Variants in ANXA8 observed in about 807,000 individuals in gnomAD.
ANXA8 encodes the protein VAC-beta.
ANXA8 carries 9 observed loss-of-function variants against 26.8 expected under a neutral mutation model. The observed-to-expected ratio is 0.34, with a 90% CI of 0.20 to 0.59. ANXA8 has a LOEUF of 0.59. Among genes scored for constraint, ANXA8 ranks in the 20% least tolerant of loss-of-function variants. The pLI is 0.84. For missense variants in ANXA8, 83 were observed against 238.5 expected, an observed-to-expected ratio of 0.35 and a Z score of 4.29; for synonymous variants, 39 against 94.8, an observed-to-expected ratio of 0.41 and a Z score of 3.42.
At chr10:47,982,833 T>TATATATATA in the ANXA8 span, among the ~76,000 whole-genome samples, 1 of 71,156 alleles carries the variant, frequency 1.4e-5, no homozygotes, top group Admixed American at 1.6e-4. Flanking sequence ...TATATATATA[T>TATATATATA]AAAATTTGAT....
chr10:47,959,838 C>T, the ANXA8 span, among the ~76,000 whole-genome samples: 674 of 150,756 alleles, frequency 4.5e-3, no homozygotes, highest in Middle Eastern at 0.017. Flanking sequence ...TGGTGCTGTG[C>T]CCGCTTCTAA....
chr10:47,495,880 G>T, the ANXA8 span, among the ~76,000 whole-genome samples: 1 of 151,610 alleles, frequency 6.6e-6, no homozygotes, highest in Non-Finnish European at 1.5e-5. Context: ...CACATTCCCA[G>T]CAGGAGAGGA....
the ANXA8 span, among the ~76,000 whole-genome samples, chr10:47,744,149 G>A: frequency 2.0e-5 from 3 of 148,294 alleles, no homozygotes; most frequent in African/African-American, 7.4e-5. Context: ...AGCCTCCCCG[G>A]TGCTGCACCG....
At chr10:47,591,464 G>T in the ANXA8 span, among the ~76,000 whole-genome samples, 7 of 74,544 alleles carry the variant, frequency 9.4e-5, no homozygotes, top group Admixed American at 4.2e-4. Context: ...TTTTTTTTGA[G>T]ATGGAGTCTT....
At chr10:47,565,001 G>T in the ANXA8 span, 2 of 972,346 alleles carry the variant, frequency 2.1e-6, no homozygotes, top group Non-Finnish European at 3.3e-6. Context: ...CCACCGTCTG[G>T]CCGGCATCTC....
chr10:47,660,129 G>A, the ANXA8 span, among the ~76,000 whole-genome samples: 1 of 146,704 alleles, frequency 6.8e-6, no homozygotes, highest in Non-Finnish European at 1.5e-5. Context: ...AGTATTATGA[G>A]GCTAAAGTGA....
chr10:47,775,067 C>A, the ANXA8 span, among the ~76,000 whole-genome samples: 2 of 150,822 alleles, frequency 1.3e-5, no homozygotes, highest in African/African-American at 2.4e-5. Flanking sequence ...AATTTGTGGG[C>A]AACTTTTGGG....
the ANXA8 span, among the ~76,000 whole-genome samples, chr10:47,551,293 G>A: frequency 2.6e-5 from 4 of 150,998 alleles, no homozygotes; most frequent in Admixed American, 6.6e-5. Flanking sequence ...ATAAAATGAG[G>A]GCAAGAATGA....
At chr10:47,475,207 G>A (rs1435816808) in intron 6 of ANXA8, among the ~76,000 whole-genome samples, 269 of 147,634 alleles carry the variant, frequency 1.8e-3, no homozygotes, top group African/African-American at 6.2e-3. Flanking sequence ...AAGGCTTGGC[G>A]GATTCAGTGA....
the ANXA8 span, among the ~76,000 whole-genome samples, chr10:47,946,376 T>C: frequency 2.0e-5 from 3 of 150,668 alleles, no homozygotes; most frequent in Admixed American, 1.3e-4. Context: ...TAGTAAACAC[T>C]AGAGGTTTAA....
the ANXA8 span, among the ~76,000 whole-genome samples, chr10:47,510,980 G>C: frequency 1.5e-5 from 2 of 129,570 alleles, no homozygotes; most frequent in Non-Finnish European, 3.2e-5. Flanking sequence ...GTCTCGCTCT[G>C]TAGCCCAGGC....
chr10:47,493,581 T>C, the ANXA8 span, among the ~76,000 whole-genome samples: 1 of 149,678 alleles, frequency 6.7e-6, no homozygotes, highest in Non-Finnish European at 1.5e-5. Flanking sequence ...CCTCATGAGC[T>C]CCCACCCTAG....
chr10:47,486,827 G>A (rs1840058008), upstream of ANXA8, among the ~76,000 whole-genome samples: 1 of 137,134 alleles, frequency 7.3e-6, no homozygotes, highest in Admixed American at 7.4e-5. Flanking sequence ...ATAAAAATTA[G>A]CCAGAGATGG....
At chr10:47,947,836 T>A in the ANXA8 span, among the ~76,000 whole-genome samples, 1 of 150,612 alleles carries the variant, frequency 6.6e-6, no homozygotes, top group African/African-American at 2.5e-5. Flanking sequence ...GGGTTCCCCA[T>A]GGATCTGTTA....
the ANXA8 span, among the ~76,000 whole-genome samples, chr10:47,920,282 G>A: frequency 2.2e-5 from 2 of 89,774 alleles, no homozygotes; most frequent in Non-Finnish European, 4.3e-5. Flanking sequence ...TGTTGCCCAG[G>A]CTGGAGTGCA....
At chr10:47,627,586 T>C in the ANXA8 span, among the ~76,000 whole-genome samples, 1 of 150,026 alleles carries the variant, frequency 6.7e-6, no homozygotes, top group Non-Finnish European at 1.5e-5. Flanking sequence ...ATTTATAAAC[T>C]CATACTCTTG....
chr10:47,671,566 GT>G, the ANXA8 span, among the ~76,000 whole-genome samples: 5 of 151,850 alleles, frequency 3.3e-5, no homozygotes, highest in Non-Finnish European at 5.9e-5. Flanking sequence ...TGTGTTCTAA[GT>G]TTTTTTCGTG....
chr10:47,733,147 T>A, the ANXA8 span, among the ~76,000 whole-genome samples: 1,393 of 51,340 alleles, frequency 0.027, 8 homozygotes, highest in East Asian at 0.065. Context: ...TCCCTAATCT[T>A]TCTTTCTTTC....
the ANXA8 span, among the ~76,000 whole-genome samples, chr10:47,737,588 T>C: frequency 6.6e-6 from 1 of 151,912 alleles, no homozygotes; most frequent in Non-Finnish European, 1.5e-5. Flanking sequence ...ATAGGAAAAG[T>C]ACCCCCATAT....
Sources: allele counts gnomAD v4.1 joint callset (sites outside exome capture counted in the v4.1 genomes callset), GRCh38; gene constraint gnomAD v4.1.1; transcripts MANE v1.5; gene names NCBI Gene and HGNC (gene_info 2026-07-23, HGNC 2026-07-21).